The following PCDHGA7 variants were observed in gnomAD, a reference collection of about 807,000 sequenced individuals.
PCDHGA7 encodes the protein protocadherin gamma-A7.
Under a neutral mutation model 58.3 loss-of-function variants are expected in PCDHGA7, and 44 were observed. The observed-to-expected ratio is 0.75, with a 90% CI of 0.59 to 0.97. The LOEUF is 0.97. PCDHGA7 is among the 50% of genes least tolerant of loss of function. PCDHGA7 has a pLI of 0.00. For missense variants in PCDHGA7, 1,266 were observed against 1,188.7 expected (o/e 1.06, Z -0.96); for synonymous variants, 516 against 504.2 (o/e 1.02, Z -0.31).
At position 141,431,140 on chromosome 5, in the gene PCDHGA7, C is replaced by T. The variant is rs145692116; in HGVS notation, c.2424+45817C>T. 2.4e-5 allele frequency: 38 copies of T among 1,614,208 alleles called. No individual in the cohort carries two copies. Among genetic ancestry groups the T allele is most frequent in the Admixed American group, 3.3e-5 (2 of 60,038 alleles). On this transcript the variant is annotated intron_variant, in intron 1 of 3. Coordinates refer to ENST00000518325, the MANE Select transcript of PCDHGA7 (RefSeq NM_018920.4). This position sits in a 1 kb window ranked among gnomAD's most constrained non-coding sequence, Gnocchi z 4.8. ...TAGAAGTAGAAGTAAGGGACATTAA[C>T]GACAATGCGCCTTACTTTCGTGAAA...
chr5:141,408,013 CCA>C, intron 1 of PCDHGA7: 1 of 989,288 alleles, frequency 1.0e-6, no homozygotes, highest in Non-Finnish European at 1.4e-6. Flanking sequence ...CCCTGCGCAG[CCA>C]ACAACAGAAA....
intron 1 of PCDHGA7, chr5:141,404,606 G>T: frequency 6.2e-7 from 1 of 1,614,106 alleles, no homozygotes; most frequent in Non-Finnish European, 8.5e-7. Flanking sequence ...GAGACTGTTT[G>T]TTTTGGACCA....
At chr5:141,426,022 T>A (rs1174153557) in intron 1 of PCDHGA7, among the ~76,000 whole-genome samples, 3 of 152,204 alleles carry the variant, frequency 2.0e-5, no homozygotes, top group Admixed American at 2.0e-4. Flanking sequence ...GTTTTCTAAA[T>A]AGACTCAGAG....
intron 1 of PCDHGA7, among the ~76,000 whole-genome samples, chr5:141,460,653 GT>G (rs2098994590): frequency 6.6e-6 from 1 of 151,844 alleles, no homozygotes; most frequent in Admixed American, 6.6e-5. Context: ...TTACACATAT[GT>G]AACTGTAAAC....
In PCDHGA7 at chr5:141,495,260, G is replaced by A. The variant is rs368797742; in HGVS notation, c.2483+395G>A. On this transcript the variant is annotated intron_variant, in intron 2 of 3. Transcript: ENST00000518325. ...TATGACCTGGGGCTCAGGCAGAAAA[G>A]CATTTGACCGGAGGAGGCGGTCCGC... Among the ~76,000 whole-genome samples the A allele has an allele frequency of 3.3e-5, 5 of 152,208 alleles. No individual in the cohort carries two copies. The East Asian group carries it at 5.8e-4, about 18-fold the overall frequency.
chr5:141,450,846 A>C (rs2098698903), intron 1 of PCDHGA7, among the ~76,000 whole-genome samples: 1 of 115,730 alleles, frequency 8.6e-6, no homozygotes. Context: ...TTTTTTTGAG[A>C]TGGGGTCTTG....
chr5:141,398,882 G>A, intron 1 of PCDHGA7: 1 of 1,613,930 alleles, frequency 6.2e-7, no homozygotes, highest in Non-Finnish European at 8.5e-7. Context: ...GTCAGCCTTC[G>A]GGAAAACGTG....
rs1466755382 is a variant in PCDHGA7 at position 141,384,339 on chromosome 5, C to G, written c.1440C>G (p.Asp480Glu). 19 of 1,613,782 alleles carry G rather than the reference C, an allele frequency of 1.2e-5. 1 individual carries two copies. Among genetic ancestry groups the G allele is most frequent in the Non-Finnish European group, 1.6e-5 (19 of 1,179,910 alleles). The part of the protein sequence containing the change: ...SIFLVTAQDH[D>E]SEDNAQITYS... ...TCTTAGTGACTGCACAGGACCACGA[C>G]AGTGAGGATAATGCCCAGATCACTT... The change falls in exon 1 of 4, where the codon GAC (aspartate) becomes GAG (glutamate). Residue 480 changes from aspartate to glutamate, a missense_variant. Coordinates refer to ENST00000518325, the MANE Select transcript of PCDHGA7 (RefSeq NM_018920.4).
chr5:141,390,526 T>C, intron 1 of PCDHGA7: 1 of 548,274 alleles, frequency 1.8e-6, no homozygotes, highest in East Asian at 3.2e-5. Context: ...AATGAGGGTG[T>C]GGTTTTAACC....
chr5:141,398,337 G>T, intron 1 of PCDHGA7: 3 of 1,369,482 alleles, frequency 2.2e-6, no homozygotes, highest in Non-Finnish European at 3.0e-6. Context: ...GCGTCAGTTC[G>T]GAGAAGCCTT....
intron 1 of PCDHGA7, among the ~76,000 whole-genome samples, chr5:141,406,473 T>A (rs2094813817): frequency 6.6e-6 from 1 of 152,248 alleles, no homozygotes; most frequent in African/African-American, 2.4e-5. Context: ...CTCTTTGAGG[T>A]TATATTTTTC....
At position 141,486,370 on chromosome 5, in the gene PCDHGA7, T is replaced by C. The variant is rs755925357; in HGVS notation, c.2425-8437T>C. Reference sequence around the variant, plus strand: ...ACCACTTGCCATTTGCCCTCAAGTCTGCCTTCAGGAACCAGTTCTCCCTGG... The same window carrying C: ...ACCACTTGCCATTTGCCCTCAAGTCCGCCTTCAGGAACCAGTTCTCCCTGG... On this transcript the variant is annotated intron_variant, in intron 1 of 3. Coordinates refer to ENST00000518325, the MANE Select transcript of PCDHGA7 (RefSeq NM_018920.4). The surrounding 1 kb of genome is among the most constrained non-coding windows in gnomAD (Gnocchi z 5.0). 8 of 1,613,988 alleles carry C rather than the reference T, an allele frequency of 5.0e-6. No individual in the cohort carries two copies. The Admixed American group carries it at 1.3e-4, about 27-fold the overall frequency.
intron 1 of PCDHGA7, chr5:141,430,664 C>G (rs2154553866): frequency 8.3e-7 from 1 of 1,209,890 alleles, no homozygotes; most frequent in East Asian, 2.6e-5. Context: ...CGGAGGAGCT[C>G]TGACTTCCCA....
intron 1 of PCDHGA7, chr5:141,427,048 C>T (rs1257232583): frequency 4.4e-6 from 2 of 457,350 alleles, no homozygotes; most frequent in South Asian, 1.5e-5. Context: ...AATGTGCCCC[C>T]AGGCACCTCT....
At chr5:141,419,770 G>C in intron 1 of PCDHGA7, 1 of 1,614,006 alleles carries the variant, frequency 6.2e-7, no homozygotes, top group Non-Finnish European at 8.5e-7. Context: ...ACAAGGACTC[G>C]GTCCGCCAGC....
chr5:141,511,118 C>T lies in PCDHGA7; in HGVS notation c.2744C>T (p.Ala915Val), dbSNP rs1352222210. 1.2e-6 allele frequency: 2 copies of T among 1,614,094 alleles called. No individual in the cohort carries two copies. The highest frequency in any genetic ancestry group is 1.7e-6 in the Non-Finnish European group (2 of 1,180,022). The change falls in exon 4 of 4, where the codon GCC (alanine) becomes GTC (valine). Residue 915 changes from alanine to valine, a missense_variant. Coordinates refer to ENST00000518325, the MANE Select transcript of PCDHGA7 (RefSeq NM_018920.4). ...GCAGCTGGCAAGCGGGATGGCAAGG[C>T]CCCAGCAGGTGGCAATGGCAACAAG... is the stretch of plus-strand genomic sequence containing the variant. ...TNAAGKRDGK[A>V]PAGGNGNKKK... is the part of the protein sequence containing the mutation.
chr5:141,418,712 G>A (rs1431536945), intron 1 of PCDHGA7: 1 of 1,613,976 alleles, frequency 6.2e-7, no homozygotes, highest in African/African-American at 1.3e-5. Context: ...CTTTGGTGTG[G>A]CTGACAAAGC....
At chr5:141,390,150 C>T (rs768850867) in intron 1 of PCDHGA7, 1 of 1,613,916 alleles carries the variant, frequency 6.2e-7, no homozygotes, top group African/African-American at 1.3e-5. Flanking sequence ...ATGTGTTGCA[C>T]ATACAGGAAA....
At chr5:141,444,299 G>A (rs1017908182) in intron 1 of PCDHGA7, among the ~76,000 whole-genome samples, 20 of 150,672 alleles carry the variant, frequency 1.3e-4, no homozygotes, top group Non-Finnish European at 2.7e-4. Context: ...AGCCTCCCTA[G>A]TAGCTAGGAT....
Sources: allele counts gnomAD v4.1 joint callset (sites outside exome capture counted in the v4.1 genomes callset), GRCh38; gene constraint gnomAD v4.1.1; non-coding constraint Gnocchi (gnomAD v3.1); transcripts MANE v1.5; gene names NCBI Gene and HGNC (gene_info 2026-07-23, HGNC 2026-07-21).